Variants in FAR1 observed in about 807,000 individuals in gnomAD.
FAR1 encodes fatty acyl-CoA reductase 1, also known as male sterility domain-containing protein 2.
FAR1 carries 22 observed loss-of-function variants against 61.1 expected under a neutral mutation model. The observed-to-expected ratio is 0.36, with a 90% CI of 0.26 to 0.51. The LOEUF (loss-of-function observed/expected upper bound fraction) is 0.51, where lower values mean the gene tolerates loss of function less well. Among genes scored for constraint, FAR1 ranks in the 20% least tolerant of loss-of-function variants. The pLI, the probability that FAR1 is intolerant of heterozygous loss-of-function variation, is 0.95. For missense variants in FAR1, 359 were observed against 626.9 expected (o/e 0.57, Z 4.56); for synonymous variants, 206 against 209.7 (o/e 0.98, Z 0.15).
intron 1 of FAR1, among the ~76,000 whole-genome samples, chr11:13,679,936 C>T (rs1161822266): frequency 6.6e-6 from 1 of 151,812 alleles, no homozygotes; most frequent in Non-Finnish European, 1.5e-5. Context: ...CGAGAAGTGC[C>T]TTGGGGGGAA....
rs1383643580 is a variant in FAR1 at position 13,728,646 on chromosome 11, C to T, written c.1420C>T (p.Leu474Phe). 2.5e-6 allele frequency: 4 copies of T among 1,612,118 alleles called. No individual in the cohort carries two copies. The highest frequency in any genetic ancestry group is 2.2e-5 in the East Asian group (1 of 44,792). The stretch of plus-strand genomic sequence containing the variant: ...TATACGTTATGGTTTTAATACTATC[C>T]TTGTGATCCTCATCTGGCGCATTTT... Reference protein sequence around the residue: ...RNIRYGFNTILVILIWRIFIA... With the variant: ...RNIRYGFNTIFVILIWRIFIA... Residue 474 changes from leucine (L) to phenylalanine (F), a missense_variant, in exon 12 of 12, where the codon CTT becomes TTT. Physicochemically the swap from Leu to Phe is conservative, Grantham distance 22. This residue lies in a region of FAR1 where 15 missense variants were observed against 56.5 expected (regional missense o/e 0.27). Transcript: ENST00000354817.
At chr11:13,728,376 T>A (rs1463783148) in intron 11 of FAR1, among the ~76,000 whole-genome samples, 1 of 151,886 alleles carries the variant, frequency 6.6e-6, no homozygotes, top group Non-Finnish European at 1.5e-5. Context: ...AAAAGTTTGC[T>A]CTATTTTGTC....
At chr11:13,708,447 G>GCACACACACACACA (rs61253307) in intron 4 of FAR1, among the ~76,000 whole-genome samples, 42 of 136,670 alleles carry the variant, frequency 3.1e-4, no homozygotes, top group African/African-American at 7.2e-4. Flanking sequence ...GCGCGCGCGC[G>GCACACACACACACA]CACACACACA....
At chr11:13,716,682 A>T (rs576175140) in intron 9 of FAR1, among the ~76,000 whole-genome samples, 1 of 152,304 alleles carries the variant, frequency 6.6e-6, no homozygotes, top group African/African-American at 2.4e-5. Flanking sequence ...TGAGCTACCC[A>T]TGGAAGTCAT....
intron 3 of FAR1, among the ~76,000 whole-genome samples, chr11:13,703,055 G>A (rs1848394296): frequency 6.6e-6 from 1 of 152,156 alleles, no homozygotes; most frequent in Non-Finnish European, 1.5e-5. Context: ...TTATTTCTGG[G>A]AAGCAATTTT....
At chr11:13,719,185 T>C (rs928873975) in intron 9 of FAR1, among the ~76,000 whole-genome samples, 1 of 152,192 alleles carries the variant, frequency 6.6e-6, no homozygotes, top group African/African-American at 2.4e-5. Context: ...CTTTGGAAAT[T>C]AATATCTTTC....
Position 13,683,324 on chromosome 11 carries a change from T to C in FAR1, c.-7-11435T>C, listed in dbSNP as rs576656515. 1.5e-3 allele frequency among the ~76,000 whole-genome samples: 220 copies of C among 148,128 alleles called. 1 individual carries two copies. The highest frequency in any genetic ancestry group is 5.3e-3 in the African/African-American group (212 of 40,064). On this transcript the variant is annotated intron_variant, in intron 1 of 11. Transcript: ENST00000354817. Reference sequence around the variant, plus strand: ...AGGAGAATTGCTTGAACCTGGGAGGTGGAGGTTGCAGTGAGCCGAGATCAC... The same window carrying C: ...AGGAGAATTGCTTGAACCTGGGAGGCGGAGGTTGCAGTGAGCCGAGATCAC...
chr11:13,728,980 C>A lies in FAR1; in HGVS notation c.*206C>A. 1 of 429,016 alleles carries A rather than the reference C, an allele frequency of 2.3e-6. No homozygotes were observed. The highest frequency in any genetic ancestry group is 4.2e-6 in the Non-Finnish European group (1 of 239,620). 26.6% of individuals were successfully genotyped at this position (429,016 alleles called of 1,614,324 possible). On this transcript the variant is annotated 3_prime_UTR_variant, in exon 12 of 12. Coordinates refer to ENST00000354817, the MANE Select transcript of FAR1 (RefSeq NM_032228.6). ...CACACTGTGTTATGCCAGCTCAAAT[C>A]TACAGTAGCCACCAAAACCATGACT...
At chr11:13,684,140 G>A (rs1441270446) in intron 1 of FAR1, among the ~76,000 whole-genome samples, 3 of 152,146 alleles carry the variant, frequency 2.0e-5, no homozygotes, top group Non-Finnish European at 4.4e-5. Context: ...ACATTATCTC[G>A]AGAGGGAAAG....
chr11:13,704,673 C>T (rs1848414241), intron 3 of FAR1, among the ~76,000 whole-genome samples: 1 of 151,952 alleles, frequency 6.6e-6, no homozygotes, highest in Non-Finnish European at 1.5e-5. Context: ...GATGACTGAG[C>T]CCCCTACCCT....
In FAR1 at chr11:13,730,007, A is replaced by C. The variant is rs1848707380; in HGVS notation, c.*1233A>C. On this transcript the variant is annotated 3_prime_UTR_variant, in exon 12 of 12. Coordinates refer to ENST00000354817, the MANE Select transcript of FAR1 (RefSeq NM_032228.6). ...TTATAGAAACAAGTAATAGCAAGAA[A>C]ATTGATGTATATTTTAATGATACAT... 2 of 152,384 alleles carry C rather than the reference A, an allele frequency of 1.3e-5. No homozygotes were observed. Among genetic ancestry groups the C allele is most frequent in the South Asian group, 4.1e-4 (2 of 4,830 alleles). 9.4% of individuals were successfully genotyped at this position (152,384 alleles called of 1,614,324 possible).
At chr11:13,710,925 C>T in intron 5 of FAR1, 55 bp downstream of exon 5, 1 of 1,485,172 alleles carries the variant, frequency 6.7e-7, no homozygotes, top group African/African-American at 1.4e-5. Flanking sequence ...TAAGTTGTAA[C>T]TCTGTATAAA....
Position 13,728,628 on chromosome 11 carries a change from T to C in FAR1, c.1402T>C (p.Tyr468His). ...KHLNKLRNIRYGFNTILVILI... is the reference protein window; with the variant it reads ...KHLNKLRNIRHGFNTILVILI... ...GCTTTCCAGGTTGCGGAATATACGT[T>C]ATGGTTTTAATACTATCCTTGTGAT... is the stretch of plus-strand genomic sequence containing the variant. The change falls in exon 12 of 12, where the codon TAT becomes CAT. Residue 468 changes from tyrosine (Y) to histidine (H), a missense_variant. Coordinates refer to ENST00000354817, the MANE Select transcript of FAR1 (RefSeq NM_032228.6). 6.2e-7 allele frequency: 1 copy of C among 1,611,684 alleles called. No homozygotes were observed. Among genetic ancestry groups the C allele is most frequent in the Non-Finnish European group, 8.5e-7 (1 of 1,178,286 alleles).
At chr11:13,668,933 CCCCGCCCCCG>C (rs1847959660) in intron 1 of FAR1, 127 bp downstream of exon 1, 1 of 152,272 alleles carries the variant, frequency 6.6e-6, no homozygotes, top group South Asian at 2.1e-4. Context: ...GCCGTCCCGC[CCCCGCCCCCG>C]CCCGGGTACG....
chr11:13,721,747 C>G lies in FAR1; in HGVS notation c.1145C>G (p.Thr382Ser), dbSNP rs1848611554. Residue 382 changes from threonine (T) to serine (S), a missense_variant, in exon 10 of 12, where the codon ACT becomes AGT. Thr to Ser is a moderately conservative substitution (Grantham distance 58). Transcript: ENST00000354817. The surrounding 1 kb of genome is among the most constrained non-coding windows in gnomAD (Gnocchi z 4.2). The stretch of plus-strand genomic sequence containing the variant: ...CAATACAGGATGATGAAAACAATAA[C>G]TCGTCTTCACAAAGCTATGGTGTTT... ...GRSPRMMKTITRLHKAMVFLE... is the reference protein window; with the variant it reads ...GRSPRMMKTISRLHKAMVFLE... 4 of 1,609,972 alleles carry G rather than the reference C, an allele frequency of 2.5e-6. No individual in the cohort carries two copies. Among genetic ancestry groups the G allele is most frequent in the Non-Finnish European group, 2.5e-6 (3 of 1,178,282 alleles).
chr11:13,677,902 A>T (rs550631525), intron 1 of FAR1, among the ~76,000 whole-genome samples: 50 of 152,366 alleles, frequency 3.3e-4, no homozygotes, highest in African/African-American at 1.2e-3. Flanking sequence ...CTAGTGATGG[A>T]ATTGTATCAA....
chr11:13,684,094 A>T (rs1848159996), intron 1 of FAR1, among the ~76,000 whole-genome samples: 1 of 152,220 alleles, frequency 6.6e-6, no homozygotes, highest in South Asian at 2.1e-4. Flanking sequence ...TGAATCTCAC[A>T]GGAGATAGAA....
At chr11:13,682,903 C>T (rs1443170071) in intron 1 of FAR1, among the ~76,000 whole-genome samples, 3 of 152,146 alleles carry the variant, frequency 2.0e-5, no homozygotes, top group East Asian at 1.9e-4. Context: ...TGAGCCACTG[C>T]ACTCAGCCAG....
At chr11:13,702,081 GT>G (rs1291240213) in intron 3 of FAR1, among the ~76,000 whole-genome samples, 1 of 152,062 alleles carries the variant, frequency 6.6e-6, no homozygotes, top group East Asian at 1.9e-4. Context: ...ATCTGTAGCA[GT>G]TGCTTTATTT....
Sources: allele counts gnomAD v4.1 joint callset (sites outside exome capture counted in the v4.1 genomes callset), GRCh38; gene constraint gnomAD v4.1.1; regional missense constraint gnomAD v4.1.1; non-coding constraint Gnocchi (gnomAD v3.1); transcripts MANE v1.5; gene names NCBI Gene and HGNC (gene_info 2026-07-23, HGNC 2026-07-21).